INPP4B: variants seen among roughly 807,000 people sequenced by gnomAD.
The protein encoded by INPP4B is inositol polyphosphate 4-phosphatase type II.
A neutral mutation model predicts 122.5 loss-of-function variants in INPP4B; 55 were observed. The observed-to-expected ratio is 0.45, with a 90% CI of 0.36 to 0.56. INPP4B has a LOEUF of 0.56. Among genes scored for constraint, INPP4B ranks in the 20% least tolerant of loss-of-function variants. The probability of loss-of-function intolerance (pLI) is 0.00; values close to 1 mark genes in which losing one functional copy is unlikely to be tolerated. For missense variants in INPP4B, 1,000 were observed against 1,097.7 expected, an observed-to-expected ratio of 0.91 and a Z score of 1.26; for synonymous variants, 403 against 388.7, an observed-to-expected ratio of 1.04 and a Z score of -0.43.
At chr4:142,814,588 C>A (rs1014464) in intron 1 of INPP4B, among the ~76,000 whole-genome samples, 109,982 of 151,966 alleles carry the variant, frequency 0.72, 41,445 homozygotes, top group East Asian at 0.97. Context: ...GATGTCATGG[C>A]CCATTTCATT....
At chr4:142,707,156 A>G (rs530106047) in intron 2 of INPP4B, among the ~76,000 whole-genome samples, 1 of 152,290 alleles carries the variant, frequency 6.6e-6, no homozygotes, top group African/African-American at 2.4e-5. Context: ...CACTCTTGAC[A>G]TACACTCTCT....
rs184152123 is a variant in INPP4B at position 142,198,792 on chromosome 4, T to C, written c.1073-5597A>G. ...CATATTCTGTTAAGATGTCAGAATA[T>C]AGAAAGTAAATGACACAATTAATTA... is the stretch of plus-strand genomic sequence containing the variant. On this transcript the variant is annotated intron_variant, in intron 14 of 25. Coordinates refer to ENST00000262992, the MANE Select transcript of INPP4B (RefSeq NM_001101669.3). 2.9e-3 allele frequency among the ~76,000 whole-genome samples: 442 copies of C among 152,206 alleles called. 2 individuals carry two copies. Among genetic ancestry groups the C allele is most frequent in the African/African-American group, 9.4e-3 (392 of 41,572 alleles).
rs560565525 is a variant in INPP4B, at chr4:142,807,128, T to C, written c.-254+39081A>G. ...GCACCGTTAATTCAACTCAATATGA[T>C]CCAACAAACACTGAGTGCTGATTGT... On this transcript the variant is annotated intron_variant, in intron 1 of 25. Transcript: ENST00000262992. Among the ~76,000 whole-genome samples the C allele has an allele frequency of 3.1e-4, 47 of 152,330 alleles. 1 individual carries two copies. The South Asian group carries it at 8.9e-3, about 29-fold the overall frequency.
chr4:142,362,824 G>C (rs896955260), intron 7 of INPP4B, among the ~76,000 whole-genome samples: 6 of 151,976 alleles, frequency 3.9e-5, no homozygotes, highest in Non-Finnish European at 8.8e-5. Context: ...AATGGACATT[G>C]AGTTTTCCAA....
At chr4:142,383,382 C>T (rs1794871057) in intron 7 of INPP4B, among the ~76,000 whole-genome samples, 1 of 151,950 alleles carries the variant, frequency 6.6e-6, no homozygotes, top group African/African-American at 2.4e-5. Flanking sequence ...ATTACAATAC[C>T]CATAAAAGGT....
chr4:142,496,413 A>G (rs1419038928), intron 2 of INPP4B, among the ~76,000 whole-genome samples: 2 of 152,146 alleles, frequency 1.3e-5, no homozygotes, highest in Non-Finnish European at 1.5e-5. Flanking sequence ...ATGTAAATAC[A>G]TGTTTATTAA....
chr4:142,278,757 C>G (rs1284666255), intron 9 of INPP4B, among the ~76,000 whole-genome samples: 1 of 151,864 alleles, frequency 6.6e-6, no homozygotes, highest in African/African-American at 2.4e-5. Flanking sequence ...GAGGGGGAAG[C>G]TCCAGAAAGT....
At chr4:142,645,694 T>G (rs1358203843) in intron 2 of INPP4B, among the ~76,000 whole-genome samples, 1 of 152,156 alleles carries the variant, frequency 6.6e-6, no homozygotes. Context: ...TTCCTGCCAT[T>G]GGAACGGTTA....
chr4:142,792,318 A>G (rs1776660234), intron 1 of INPP4B, among the ~76,000 whole-genome samples: 1 of 152,076 alleles, frequency 6.6e-6, no homozygotes, highest in Non-Finnish European at 1.5e-5. Flanking sequence ...TAAATTTTAG[A>G]AAATGTAAAA....
intron 7 of INPP4B, among the ~76,000 whole-genome samples, chr4:142,316,698 T>C (rs1561836280): frequency 3.3e-5 from 5 of 152,268 alleles, no homozygotes; most frequent in East Asian, 1.9e-4. Flanking sequence ...TCAATATACA[T>C]AGAGTTGTAT....
chr4:142,294,510 G>A lies in INPP4B; in HGVS notation c.503+10948C>T, dbSNP rs541289711. Among the ~76,000 whole-genome samples the A allele has an allele frequency of 2.4e-4, 36 of 152,050 alleles. No individual in the cohort carries two copies. In the South Asian group the frequency reaches 7.5e-3, roughly 32 times the overall value. ...TGGATAAGATATCTTCCTTGGACAAGGGATATAAAAAAATGGTGGGGAAAA... is the reference window on the plus strand; with the variant it reads ...TGGATAAGATATCTTCCTTGGACAAAGGATATAAAAAAATGGTGGGGAAAA... On this transcript the variant is annotated intron_variant, in intron 9 of 25. Coordinates refer to ENST00000262992, the MANE Select transcript of INPP4B (RefSeq NM_001101669.3).
intron 9 of INPP4B, among the ~76,000 whole-genome samples, chr4:142,275,563 C>G: frequency 6.6e-6 from 1 of 151,776 alleles, no homozygotes; most frequent in Admixed American, 6.6e-5. Flanking sequence ...TGACTGCACC[C>G]TGATGATCTT....
chr4:142,553,603 G>C (rs1728474719), intron 2 of INPP4B, among the ~76,000 whole-genome samples: 1 of 152,188 alleles, frequency 6.6e-6, no homozygotes, highest in Non-Finnish European at 1.5e-5. Context: ...GATATGCTGA[G>C]ACATAGTCCA....
chr4:142,502,124 T>C (rs998750798), intron 2 of INPP4B, among the ~76,000 whole-genome samples: 2 of 152,198 alleles, frequency 1.3e-5, no homozygotes, highest in African/African-American at 4.8e-5. Flanking sequence ...AACATCTTAA[T>C]ATATGTCCCC....
intron 22 of INPP4B, among the ~76,000 whole-genome samples, chr4:142,110,063 A>G (rs1420547914): frequency 6.6e-6 from 1 of 152,160 alleles, no homozygotes; most frequent in Non-Finnish European, 1.5e-5. Flanking sequence ...CTGGAGTAAC[A>G]TTAGTGTTAT....
At chr4:142,630,840 A>G (rs1380850387) in intron 2 of INPP4B, among the ~76,000 whole-genome samples, 2 of 152,108 alleles carry the variant, frequency 1.3e-5, no homozygotes. Context: ...TGAGACATGA[A>G]AAGGCTTAAT....
Position 142,667,483 on chromosome 4 carries a change from A to G in INPP4B, c.-191+58356T>C, listed in dbSNP as rs1014870581. Among the ~76,000 whole-genome samples, 34 of 152,178 alleles carry G rather than the reference A, an allele frequency of 2.2e-4. 2 individuals carry two copies. Among genetic ancestry groups the G allele is most frequent in the Non-Finnish European group, 2.9e-5 (2 of 68,026 alleles). ...TGGACATTAGAGATGTTAGGAATCCAGGTTATGGAGTCAAACTACTGATAT... is the reference window on the plus strand; with the variant it reads ...TGGACATTAGAGATGTTAGGAATCCGGGTTATGGAGTCAAACTACTGATAT... On this transcript the variant is annotated intron_variant, in intron 2 of 25. Transcript: ENST00000262992.
intron 25 of INPP4B, among the ~76,000 whole-genome samples, chr4:142,077,005 T>G (rs548623046): frequency 6.6e-6 from 1 of 152,004 alleles, no homozygotes; most frequent in Non-Finnish European, 1.5e-5. Flanking sequence ...AAATACATCT[T>G]TTACTGACAT....
rs146851821 is a variant in INPP4B, at chr4:142,819,488, G to A, written c.-254+26721C>T. ...ACTAGAAAATTCAAAGTGAATCTTAGGGGATTATGAAACTGGAATTCAAAA... is the reference window on the plus strand; with the variant it reads ...ACTAGAAAATTCAAAGTGAATCTTAAGGGATTATGAAACTGGAATTCAAAA... On this transcript the variant is annotated intron_variant, in intron 1 of 25. Transcript: ENST00000262992. 1.2e-4 allele frequency among the ~76,000 whole-genome samples: 19 copies of A among 152,216 alleles called. No individual in the cohort carries two copies. In the East Asian group the frequency reaches 3.3e-3, roughly 26 times the overall value.
Sources: gnomAD v4.1 joint callset for allele counts (sites outside exome capture counted in the v4.1 genomes callset) on GRCh38, gnomAD v4.1.1 for gene constraint, MANE v1.5 for transcripts, NCBI Gene and HGNC (gene_info 2026-07-23, HGNC 2026-07-21) for gene names.